Variants in BRD7 observed in about 807,000 individuals in gnomAD.
BRD7 encodes bromodomain-containing protein 7.
A neutral mutation model predicts 82.1 loss-of-function variants in BRD7; 15 were observed. The observed-to-expected ratio is 0.18, with a 90% CI of 0.12 to 0.28. The LOEUF is 0.28. Among genes scored for constraint, BRD7 ranks in the 10% least tolerant of loss-of-function variants. The probability of loss-of-function intolerance (pLI) is 1.00; values close to 1 mark genes in which losing one functional copy is unlikely to be tolerated. For missense variants in BRD7, 638 were observed against 779.9 expected, an observed-to-expected ratio of 0.82 and a Z score of 2.17; for synonymous variants, 232 against 266.9, an observed-to-expected ratio of 0.87 and a Z score of 1.27.
chr16:50,323,898 C>T (rs1004047527), intron 11 of BRD7, among the ~76,000 whole-genome samples, 200 bp from the exon 12 acceptor site: 3 of 152,132 alleles, frequency 2.0e-5, no homozygotes, highest in Non-Finnish European at 4.4e-5. Context: ...AAAAATAAAA[C>T]GTTCCAAAGA....
intron 4 of BRD7, 68 bp downstream of exon 4, chr16:50,354,357 T>A: frequency 2.3e-6 from 3 of 1,326,936 alleles, no homozygotes; most frequent in Non-Finnish European, 3.2e-6. Context: ...TAGGCACAAA[T>A]GTGGTTTGGA....
chr16:50,352,224 T>C (rs2038555696), intron 4 of BRD7, among the ~76,000 whole-genome samples: 2 of 152,178 alleles, frequency 1.3e-5, no homozygotes, highest in Non-Finnish European at 2.9e-5. Context: ...TGTAACAAAG[T>C]TTGAGGGCGG....
At chr16:50,349,388 A>G in intron 5 of BRD7, 1 of 348,944 alleles carries the variant, frequency 2.9e-6, no homozygotes, top group Non-Finnish European at 5.5e-6. Context: ...TAGAACTTAA[A>G]TTAAAAAAAA....
chr16:50,368,589 C>G, intron 1 of BRD7, 137 bp downstream of exon 1: 3 of 934,500 alleles, frequency 3.2e-6, no homozygotes, highest in Non-Finnish European at 4.5e-6. Context: ...CGGCCTCCGG[C>G]AGGACGCGCC....
At chr16:50,326,980 A>T (rs1386615693) in intron 9 of BRD7, among the ~76,000 whole-genome samples, 2 of 152,210 alleles carry the variant, frequency 1.3e-5, no homozygotes, top group African/African-American at 4.8e-5. Flanking sequence ...TATCTAACAG[A>T]GGGACATCTG....
rs1395844432 is a variant in BRD7 at position 50,336,934 on chromosome 16, T to C, written c.703-2039A>G. Among the ~76,000 whole-genome samples the C allele has an allele frequency of 3.3e-5, 5 of 152,348 alleles. No individual in the cohort carries two copies. The East Asian group carries it at 7.7e-4, about 24-fold the overall frequency. On this transcript the variant is annotated intron_variant, in intron 6 of 16. Transcript: ENST00000394688. ...TGATCTTCAATTTTACAATATTAAA[T>C]GGCTAACAGGGCTGGTTCTTTGCTA...
rs2036817576 is a variant in BRD7, at chr16:50,316,721, CAAGGAATTGAAAGTCAACCT to C, written c.*2470_*2489del. ...TGTGTCTTACTGTGCTTCAACTTCC[CAAGGAATTGAAAGTCAACCT>C]AACTGTAACAACAGGGTGAGAAATG... On this transcript the variant is annotated 3_prime_UTR_variant, in exon 17 of 17. Coordinates refer to ENST00000394688, the MANE Select transcript of BRD7 (RefSeq NM_013263.5). 6.6e-6 allele frequency: 1 copy of C among 152,308 alleles called. No homozygotes were observed. Among genetic ancestry groups the C allele is most frequent in the Non-Finnish European group, 1.5e-5 (1 of 68,048 alleles). The allele number at this position is 152,308 out of a possible 1,614,324, so 9.4% of individuals were successfully genotyped here. A position where few individuals can be genotyped will look rare whatever the true frequency, so the allele number is the denominator to read the frequency against.
Position 50,318,402 on chromosome 16 carries a change from T to TATCTA in BRD7, c.*804_*808dup, listed in dbSNP as rs1011897572. ...ACTTAATTTGTTCACTGAACAAGGC[T>TATCTA]ATCTATCTATCTATCTCCATCCTGA... On this transcript the variant is annotated 3_prime_UTR_variant, in exon 17 of 17. Transcript: ENST00000394688. 6.0e-5 allele frequency: 9 copies of TATCTA among 149,454 alleles called. No homozygotes were observed. The highest frequency in any genetic ancestry group is 5.9e-5 in the Non-Finnish European group (4 of 67,978). The allele number at this position is 149,454 out of a possible 1,614,324, so 9.3% of individuals were successfully genotyped here. A position where few individuals can be genotyped will look rare whatever the true frequency, so the allele number is the denominator to read the frequency against.
chr16:50,355,805 T>G (rs1366068988), intron 2 of BRD7, among the ~76,000 whole-genome samples: 1 of 152,142 alleles, frequency 6.6e-6, no homozygotes, highest in Non-Finnish European at 1.5e-5. Context: ...AATGAATAAA[T>G]TTTAAAGGAA....
In BRD7 at chr16:50,318,924, T is replaced by A. The variant is rs1342978209; in HGVS notation, c.*287A>T. 1 of 318,392 alleles carries A rather than the reference T, an allele frequency of 3.1e-6. No homozygotes were observed. The highest frequency in any genetic ancestry group is 5.7e-6 in the Non-Finnish European group (1 of 174,110). The allele number at this position is 318,392 out of a possible 1,614,324, so 19.7% of individuals were successfully genotyped here. A position where few individuals can be genotyped will look rare whatever the true frequency, so the allele number is the denominator to read the frequency against. ...TGGATGGGGCCGTTTTAAGAACGCT[T>A]CTTAGTGATGATCCTGTCTGTGGGA... On this transcript the variant is annotated 3_prime_UTR_variant, in exon 17 of 17. Coordinates refer to ENST00000394688, the MANE Select transcript of BRD7 (RefSeq NM_013263.5).
intron 2 of BRD7, among the ~76,000 whole-genome samples, chr16:50,360,853 G>C (rs1301193170): frequency 6.6e-6 from 1 of 152,130 alleles, no homozygotes; most frequent in Non-Finnish European, 1.5e-5. Context: ...AGGTCTTTTG[G>C]GGTTGAGACG....
intron 5 of BRD7, among the ~76,000 whole-genome samples, chr16:50,345,365 G>A (rs1423216234): frequency 2.7e-5 from 4 of 150,102 alleles, no homozygotes; most frequent in East Asian, 3.9e-4. Flanking sequence ...ATCAACTAAC[G>A]AGCAAAATAA....
At chr16:50,336,131 A>G (rs2037788205) in intron 6 of BRD7, among the ~76,000 whole-genome samples, 1 of 152,190 alleles carries the variant, frequency 6.6e-6, no homozygotes, top group Admixed American at 6.5e-5. Context: ...CTCCATATCA[A>G]TAGATATTTA....
chr16:50,355,132 A>C (rs2038682452), intron 2 of BRD7, among the ~76,000 whole-genome samples: 1 of 152,234 alleles, frequency 6.6e-6, no homozygotes, highest in Non-Finnish European at 1.5e-5. Flanking sequence ...AGAAATAACC[A>C]GTTAGAAAAA....
chr16:50,320,551 A>T (rs1237787777), intron 14 of BRD7, 112 bp downstream of exon 14: 2 of 1,398,390 alleles, frequency 1.4e-6, no homozygotes, highest in Non-Finnish European at 2.0e-6. Flanking sequence ...TTAACTTGGT[A>T]AGCCAAGATC....
chr16:50,368,441 C>T (rs944876736), intron 1 of BRD7, 143 bp from the exon 2 acceptor site: 242 of 962,578 alleles, frequency 2.5e-4, no homozygotes, highest in Middle Eastern at 6.6e-4. Flanking sequence ...GAATGACGGA[C>T]CCCGGCCCGG....
chr16:50,318,777 G>C lies in BRD7; in HGVS notation c.*434C>G. 1 of 155,252 alleles carries C rather than the reference G, an allele frequency of 6.4e-6. No individual in the cohort carries two copies. The allele number at this position is 155,252 out of a possible 1,614,324, so 9.6% of individuals were successfully genotyped here. A position where few individuals can be genotyped will look rare whatever the true frequency, so the allele number is the denominator to read the frequency against. On this transcript the variant is annotated 3_prime_UTR_variant, in exon 17 of 17. Transcript: ENST00000394688. ...AACTCCCAGTGTGCTTTTGTCAGGG[G>C]TGGGTGGGAGGTGCCTAATTACCCA...
chr16:50,354,990 T>A, intron 2 of BRD7, 68 bp from the exon 3 acceptor site: 1 of 1,540,980 alleles, frequency 6.5e-7, no homozygotes, highest in Non-Finnish European at 8.8e-7. Flanking sequence ...CATAAATCAT[T>A]TTAAGGGGTA....
At position 50,350,115 on chromosome 16, in the gene BRD7, C is replaced by T. The variant is rs1278540079; in HGVS notation, c.499G>A (p.Gly167Ser). The T allele has an allele frequency of 6.3e-7, 1 of 1,598,204 alleles. No individual in the cohort carries two copies. The highest frequency in any genetic ancestry group is 1.4e-5 in the African/African-American group (1 of 74,040). ...SFPVTDFIAP[G>S]YSMIIKHPMD... ...GGGTGTTTAATGATCATGGAGTAGC[C>T]AGGAGCAATAAAATCAGTCACAGGA... The change falls in exon 5 of 17, where the codon GGC becomes AGC. Residue 167 changes from glycine to serine, a missense_variant. Around this residue, in one of 3 missense-constraint regions of BRD7, gnomAD observed 64 missense variants for 123.8 expected, o/e 0.52. Transcript: ENST00000394688.
Sources: allele counts gnomAD v4.1 joint callset (sites outside exome capture counted in the v4.1 genomes callset), GRCh38; gene constraint gnomAD v4.1.1; regional missense constraint gnomAD v4.1.1; transcripts MANE v1.5; gene names NCBI Gene and HGNC (gene_info 2026-07-23, HGNC 2026-07-21).